DEPDC5: variants seen among roughly 807,000 people sequenced by gnomAD.
DEPDC5 encodes GATOR1 complex protein DEPDC5.
Under a neutral mutation model 217.3 loss-of-function variants are expected in DEPDC5, and 73 were observed. That is an observed-to-expected ratio of 0.34 (90% CI 0.28 to 0.41). The LOEUF (loss-of-function observed/expected upper bound fraction) is 0.41. Among genes scored for constraint, DEPDC5 ranks in the 10% least tolerant of loss-of-function variants. The probability of loss-of-function intolerance (pLI) is 1.00; values close to 1 mark genes in which losing one functional copy is unlikely to be tolerated. For missense variants in DEPDC5, 1,675 were observed against 2,070.1 expected (o/e 0.81, Z 3.70); for synonymous variants, 733 against 756.7 (o/e 0.97, Z 0.51).
In DEPDC5 at chr22:31,754,052, A is replaced by AGCAGCGCGGG. The variant is rs138284; in HGVS notation, c.-173_-172insGCAGCGCGGG. 6.5e-6 allele frequency: 1 copy of AGCAGCGCGGG among 153,266 alleles called. No individual in the cohort carries two copies. The highest frequency in any genetic ancestry group is 6.5e-5 in the Admixed American group (1 of 15,302). The allele number at this position is 153,266 out of a possible 1,614,324, so 9.5% of individuals were successfully genotyped here. ...TAGGCGCTTCAGGCTTAGGGGCGGA[A>AGCAGCGCGGG]CAGCGCGGGCCGCGCGGGCGTAGGC... On this transcript the variant is annotated 5_prime_UTR_variant, in exon 1 of 43. Transcript: ENST00000651528.
intron 3 of DEPDC5, 140 bp downstream of exon 3, chr22:31,758,773 G>A: frequency 4.9e-6 from 4 of 808,318 alleles, no homozygotes; most frequent in Middle Eastern, 3.6e-4. Context: ...GGGAGGCTGA[G>A]GTGGGTAGGT....
chr22:31,792,387 C>T (rs946054459), intron 11 of DEPDC5, among the ~76,000 whole-genome samples: 1 of 151,992 alleles, frequency 6.6e-6, no homozygotes, highest in Non-Finnish European at 1.5e-5. Context: ...GGGCGGATCA[C>T]CTGAGGTCAG....
intron 5 of DEPDC5, among the ~76,000 whole-genome samples, chr22:31,765,628 T>C (rs1410897755): frequency 6.6e-6 from 1 of 152,190 alleles, no homozygotes; most frequent in Non-Finnish European, 1.5e-5. Context: ...GTGTGTTGTA[T>C]ATGCCTGTAG....
In DEPDC5 at chr22:31,857,501, C is replaced by T. The variant is rs750296306; in HGVS notation, c.3212C>T (p.Ala1071Val). Reference sequence around the variant, plus strand: ...GGTGGGAAGAGCTCCGCCCAGTCAGCCGAGAGCAGCAGCGTTGCCATGACT... The same window carrying T: ...GGTGGGAAGAGCTCCGCCCAGTCAGTCGAGAGCAGCAGCGTTGCCATGACT... ...VHGGKSSAQS[A>V]ESSSVAMTPT... The change falls in exon 32 of 43, where the codon GCC becomes GTC. Residue 1071 changes from alanine (A) to valine (V), a missense_variant. Physicochemically the swap from Ala to Val is moderately conservative, Grantham distance 64 (BLOSUM62 0). Transcript: ENST00000651528. 8 of 1,612,496 alleles carry T rather than the reference C, an allele frequency of 5.0e-6. No homozygotes were observed. The East Asian group carries it at 1.3e-4, about 27-fold the overall frequency.
chr22:31,874,223 C>G (rs1460570414), intron 35 of DEPDC5, 50 bp from the exon 36 acceptor site: 1 of 1,580,328 alleles, frequency 6.3e-7, no homozygotes, highest in Non-Finnish European at 8.6e-7. Context: ...CCACTTGTTG[C>G]CATGGGGCAC....
intron 8 of DEPDC5, 88 bp from the exon 9 acceptor site, chr22:31,783,819 G>T (rs774006675): frequency 8.8e-5 from 98 of 1,111,976 alleles, no homozygotes; most frequent in Non-Finnish European, 1.3e-4. Context: ...TTACACTGTT[G>T]TGAAGCAGAT....
chr22:31,775,071 CA>C (rs1433046941), intron 7 of DEPDC5, among the ~76,000 whole-genome samples: 1 of 152,158 alleles, frequency 6.6e-6, no homozygotes, highest in African/African-American at 2.4e-5. Context: ...TTCATTTTGG[CA>C]TGGGGTAGAC....
At position 31,874,261 on chromosome 22, in the gene DEPDC5, G is replaced by T; in HGVS notation, c.3564-12G>T. The stretch of plus-strand genomic sequence containing the variant: ...ACATCCCCTGCTCCCCGTTCACCGT[G>T]TTGGAACCCAGGACAGGAGTCCAGC... On this transcript the variant is annotated splice_polypyrimidine_tract_variant and intron_variant, in intron 35 of 42. Coordinates refer to ENST00000651528, the MANE Select transcript of DEPDC5 (RefSeq NM_001242896.3). 2.5e-6 allele frequency: 4 copies of T among 1,604,728 alleles called. No homozygotes were observed. The highest frequency in any genetic ancestry group is 3.4e-6 in the Non-Finnish European group (4 of 1,175,220).
chr22:31,820,571 GC>G (rs2089595367), intron 22 of DEPDC5, among the ~76,000 whole-genome samples: 1 of 152,006 alleles, frequency 6.6e-6, no homozygotes, highest in African/African-American at 2.4e-5. Flanking sequence ...ACCCCGTTCT[GC>G]CCCCTTATCT....
chr22:31,759,698 T>TTA (rs1445000182), intron 3 of DEPDC5, among the ~76,000 whole-genome samples: 1 of 140,018 alleles, frequency 7.1e-6, no homozygotes, highest in Admixed American at 7.3e-5. Flanking sequence ...TTTTTTTTTT[T>TTA]AAGAGACAGA....
intron 33 of DEPDC5, among the ~76,000 whole-genome samples, chr22:31,864,658 TA>T (rs200283289): frequency 0.014 from 2,166 of 151,790 alleles, 17 homozygotes; most frequent in Middle Eastern, 0.024. Context: ...CTCAAGCCTA[TA>T]ATCCCAGCAC....
chr22:31,852,791 T>C (rs2092098490), intron 31 of DEPDC5: 1 of 152,230 alleles, frequency 6.6e-6, no homozygotes, highest in Non-Finnish European at 1.5e-5. Context: ...CTTAATATCA[T>C]GAAATAGCCA....
At chr22:31,770,917 G>C (rs1219249887) in intron 7 of DEPDC5, among the ~76,000 whole-genome samples, 1 of 149,926 alleles carries the variant, frequency 6.7e-6, no homozygotes, top group African/African-American at 2.5e-5. Context: ...TGGGCCTCCT[G>C]AACTACAGGC....
chr22:31,856,849 G>A (rs773619332), intron 31 of DEPDC5, among the ~76,000 whole-genome samples: 1 of 151,982 alleles, frequency 6.6e-6, no homozygotes, highest in Non-Finnish European at 1.5e-5. Context: ...AGCTCACTGC[G>A]ACCTCTGCCT....
rs35291104 is a variant in DEPDC5 at position 31,759,676 on chromosome 22, C to CTT, written c.147-959_147-958dup. Among the ~76,000 whole-genome samples, 309 of 94,910 alleles carry CTT rather than the reference C, an allele frequency of 3.3e-3. 11 individuals carry two copies. Among genetic ancestry groups the CTT allele is most frequent in the South Asian group, 0.027 (71 of 2,614 alleles). The allele number at this position is 94,910 out of a possible 152,430, so 62.3% of individuals were successfully genotyped here. ...CATGAGCTACCTTGCCGCGCCCAGC[C>CTT]TTTTTTTTTTTTTTTTTTTTTTAAG... On this transcript the variant is annotated intron_variant, in intron 3 of 42. Transcript: ENST00000651528.
chr22:31,905,905 G>A, intron 41 of DEPDC5, 79 bp from the exon 42 acceptor site: 2 of 1,273,846 alleles, frequency 1.6e-6, no homozygotes, highest in East Asian at 2.3e-5. Flanking sequence ...CTGTCCGAGA[G>A]TCCTATCAGC....
intron 37 of DEPDC5, among the ~76,000 whole-genome samples, chr22:31,879,033 A>AG (rs2093088420): frequency 8.3e-6 from 1 of 119,968 alleles, no homozygotes; most frequent in East Asian, 2.2e-4. Context: ...CCGTCTCAAA[A>AG]AAAAAAAAAA....
At chr22:31,874,460 G>A in intron 36 of DEPDC5, 55 bp downstream of exon 36, 1 of 1,547,748 alleles carries the variant, frequency 6.5e-7, no homozygotes, top group South Asian at 1.2e-5. Flanking sequence ...GAAAAATCAG[G>A]GCCTGCCTTA....
At chr22:31,784,404 G>A (rs2084770041) in intron 9 of DEPDC5, 2 of 189,932 alleles carry the variant, frequency 1.1e-5, no homozygotes, top group African/African-American at 2.4e-5. Flanking sequence ...TGAGGTGGGC[G>A]GATCACCTGA....
Sources: gnomAD v4.1 joint callset for allele counts (sites outside exome capture counted in the v4.1 genomes callset) on GRCh38, gnomAD v4.1.1 for gene constraint, MANE v1.5 for transcripts, NCBI Gene and HGNC (gene_info 2026-07-23, HGNC 2026-07-21) for gene names.